FRMPD2: variants seen among roughly 807,000 people sequenced by gnomAD.
FRMPD2 encodes FERM and PDZ domain-containing protein 2.
A neutral mutation model predicts 140.1 loss-of-function variants in FRMPD2; 96 were observed. The observed-to-expected ratio is 0.69, with a 90% CI of 0.58 to 0.81. FRMPD2 has a LOEUF of 0.81. Among genes scored for constraint, FRMPD2 ranks in the 40% least tolerant of loss-of-function variants. The pLI is 0.00. For missense variants in FRMPD2, 1,240 were observed against 1,447.4 expected (o/e 0.86, Z 2.32); for synonymous variants, 449 against 547.6 (o/e 0.82, Z 2.52).
intron 1 of FRMPD2, among the ~76,000 whole-genome samples, chr10:48,266,934 T>TG (rs1217111088): frequency 1.3e-5 from 2 of 151,932 alleles, no homozygotes; most frequent in African/African-American, 4.8e-5. Flanking sequence ...CTAGCAAGGG[T>TG]GGTGTCAGCA....
chr10:48,274,579 C>G lies in FRMPD2; in HGVS notation c.-12G>C. 6.2e-7 allele frequency: 1 copy of G among 1,614,004 alleles called. No individual in the cohort carries two copies. Among genetic ancestry groups the G allele is most frequent in the East Asian group, 2.2e-5 (1 of 44,874 alleles). On this transcript the variant is annotated 5_prime_UTR_variant, in exon 1 of 29. Coordinates refer to ENST00000374201, the MANE Select transcript of FRMPD2 (RefSeq NM_001018071.4). ...GTTAAAGGCTGCATCCAAAAGTCTC[C>G]GTGACCAGGTCTAGGCCTTCATCAT... is the stretch of plus-strand genomic sequence containing the variant.
chr10:48,203,340 T>C (rs943008783), intron 14 of FRMPD2, among the ~76,000 whole-genome samples: 1 of 152,206 alleles, frequency 6.6e-6, no homozygotes, highest in Non-Finnish European at 1.5e-5. Flanking sequence ...TTTTCCATCA[T>C]TTAATGGAAA....
Position 48,239,683 on chromosome 10 carries a change from CT to C in FRMPD2, c.709del (p.Arg237GlufsTer16), listed in dbSNP as rs775914158. ...ECLHPCRVSERSTETQSSPEP... is the reference protein window; with the variant it reads ...ECLHPCRVSEXSTETQSSPEP... ...TGGTGAGCTCTGGGTCTCCGTGCTT[CT>C]TTCTGAAACTAATCAAGCAGCATGG... is the stretch of plus-strand genomic sequence containing the variant. On this transcript the variant is annotated frameshift_variant, in exon 7 of 29. Coordinates refer to ENST00000374201, the MANE Select transcript of FRMPD2 (RefSeq NM_001018071.4). LOFTEE classifies it high-confidence loss of function. 1 of 1,613,520 alleles carries C rather than the reference CT, an allele frequency of 6.2e-7. No individual in the cohort carries two copies. Among genetic ancestry groups the C allele is most frequent in the Admixed American group, 1.7e-5 (1 of 60,004 alleles).
intron 1 of FRMPD2, among the ~76,000 whole-genome samples, chr10:48,266,470 A>G (rs188938748): frequency 1.3e-5 from 2 of 152,380 alleles, no homozygotes; most frequent in East Asian, 3.9e-4. Flanking sequence ...AATCAAGACA[A>G]TGTGATGTTG....
intron 10 of FRMPD2, among the ~76,000 whole-genome samples, chr10:48,226,519 G>T (rs567443736): frequency 2.0e-5 from 3 of 152,296 alleles, no homozygotes; most frequent in African/African-American, 7.2e-5. Flanking sequence ...TAAGTTAAAG[G>T]CACTTTTAAG....
At chr10:48,242,381 G>A in intron 4 of FRMPD2, 29 bp from the exon 5 acceptor site, 4 of 1,598,354 alleles carry the variant, frequency 2.5e-6, no homozygotes, top group African/African-American at 2.7e-5. Context: ...GGTGAGAGGA[G>A]AGAGCAGCCA....
At position 48,222,349 on chromosome 10, in the gene FRMPD2, A is replaced by G; in HGVS notation, c.1419T>C (p.Leu473=). The G allele has an allele frequency of 3.7e-6, 6 of 1,614,154 alleles. No individual in the cohort carries two copies. Among genetic ancestry groups the G allele is most frequent in the Non-Finnish European group, 2.5e-6 (3 of 1,179,992 alleles). ...NEEILLQLGV[L]ALQAEFGNYP... is the part of the protein sequence containing the mutation. ...AATTGCCAAACTCAGCCTGCAAGGCAAGGACCCCCAGCTGCAGCAGTATCT... is the reference window on the plus strand; with the variant it reads ...AATTGCCAAACTCAGCCTGCAAGGCGAGGACCCCCAGCTGCAGCAGTATCT... Residue 473 remains leucine (L), a synonymous_variant, in exon 12 of 29, where the codon CTT becomes CTC. Coordinates refer to ENST00000374201, the MANE Select transcript of FRMPD2 (RefSeq NM_001018071.4).
At position 48,226,238 on chromosome 10, in the gene FRMPD2, C is replaced by T. The variant is rs373796901; in HGVS notation, c.1169-2968G>A. Among the ~76,000 whole-genome samples, 303 of 152,300 alleles carry T rather than the reference C, an allele frequency of 2.0e-3. 12 individuals carry two copies. In the South Asian group the frequency reaches 0.06, roughly 30 times the overall value. On this transcript the variant is annotated intron_variant, in intron 10 of 28. Transcript: ENST00000374201. ...CAATTGGCATCTTGAGGCTTCAAAACGCATTCAGGACTCAAAAATGCCTTA... is the reference window on the plus strand; with the variant it reads ...CAATTGGCATCTTGAGGCTTCAAAATGCATTCAGGACTCAAAAATGCCTTA...
chr10:48,242,053 A>T, intron 5 of FRMPD2, 108 bp downstream of exon 5: 1 of 789,400 alleles, frequency 1.3e-6, no homozygotes, highest in Non-Finnish European at 1.9e-6. Context: ...GTGACTGATT[A>T]ATTTAATTTT....
intron 10 of FRMPD2, among the ~76,000 whole-genome samples, chr10:48,224,543 C>A (rs757600559): frequency 2.2e-4 from 34 of 152,234 alleles, no homozygotes; most frequent in Non-Finnish European, 4.7e-4. Flanking sequence ...GCCCTTACTG[C>A]TGAATCTGAT....
At chr10:48,168,337 GC>G in intron 27 of FRMPD2, among the ~76,000 whole-genome samples, 1 of 104,768 alleles carries the variant, frequency 9.5e-6, no homozygotes, top group East Asian at 2.5e-4. Flanking sequence ...TGATGCCTGA[GC>G]TTCCAGAGAG....
chr10:48,195,709 A>C (rs1023581006), intron 15 of FRMPD2, among the ~76,000 whole-genome samples: 4 of 152,266 alleles, frequency 2.6e-5, no homozygotes, highest in Non-Finnish European at 5.9e-5. Flanking sequence ...GTAATACTTA[A>C]AAACAAAAAG....
chr10:48,205,103 A>G (rs190589004), intron 14 of FRMPD2, among the ~76,000 whole-genome samples: 12 of 152,362 alleles, frequency 7.9e-5, no homozygotes, highest in Admixed American at 5.9e-4. Flanking sequence ...TTTTGTGCTT[A>G]CAGAAGCATA....
chr10:48,262,238 T>G (rs1011291494), intron 1 of FRMPD2, among the ~76,000 whole-genome samples: 3 of 151,922 alleles, frequency 2.0e-5, no homozygotes, highest in African/African-American at 7.3e-5. Flanking sequence ...AAGGCACAAA[T>G]AGGTTAAAAG....
intron 1 of FRMPD2, among the ~76,000 whole-genome samples, chr10:48,264,728 C>T (rs925509963): frequency 6.6e-5 from 10 of 152,044 alleles, no homozygotes; most frequent in African/African-American, 2.4e-4. Flanking sequence ...GTCATTTATT[C>T]TCAACTCGGT....
At chr10:48,243,537 A>G (rs1840174805) in intron 4 of FRMPD2, among the ~76,000 whole-genome samples, 1 of 152,198 alleles carries the variant, frequency 6.6e-6, no homozygotes. Flanking sequence ...ACCCTGTGCT[A>G]TGACACAGGG....
intron 15 of FRMPD2, among the ~76,000 whole-genome samples, chr10:48,193,116 C>T (rs1383772382): frequency 2.0e-5 from 3 of 152,198 alleles, no homozygotes; most frequent in Non-Finnish European, 2.9e-5. Context: ...AGACGAGATG[C>T]TCTCTCTCCC....
At position 48,239,609 on chromosome 10, in the gene FRMPD2, TAAC is replaced by T. The variant is rs1344512908; in HGVS notation, c.781_783del (p.Val261del). Reference sequence around the variant, plus strand: ...CCTTTAGGCCTTGCTGCTTACCGGTTAACAAGGAGGCTGCAGTGACTGTGTGTC... The same window carrying T: ...CCTTTAGGCCTTGCTGCTTACCGGTTAAGGAGGCTGCAGTGACTGTGTGTC... On this transcript the variant is annotated inframe_deletion, in exon 7 of 29. Coordinates refer to ENST00000374201, the MANE Select transcript of FRMPD2 (RefSeq NM_001018071.4). 1.2e-6 allele frequency: 2 copies of T among 1,612,506 alleles called. No individual in the cohort carries two copies. The highest frequency in any genetic ancestry group is 1.7e-6 in the Non-Finnish European group (2 of 1,178,682).
At chr10:48,192,617 T>C (rs868485685) in intron 16 of FRMPD2, 67 bp downstream of exon 16, 2 of 1,369,772 alleles carry the variant, frequency 1.5e-6, no homozygotes, top group African/African-American at 1.4e-5. Context: ...AAATCTTCAG[T>C]ACAGATCACT....
Sources: allele counts gnomAD v4.1 joint callset (sites outside exome capture counted in the v4.1 genomes callset), GRCh38; gene constraint gnomAD v4.1.1; transcripts MANE v1.5; gene names NCBI Gene and HGNC (gene_info 2026-07-23, HGNC 2026-07-21).